Variants in PCDHA11 observed in about 807,000 individuals in gnomAD.
PCDHA11 encodes the protein protocadherin alpha 11.
A neutral mutation model predicts 70.3 loss-of-function variants in PCDHA11; 61 were observed. The observed-to-expected ratio is 0.87, with a 90% confidence interval of 0.71 to 1.07. The LOEUF (loss-of-function observed/expected upper bound fraction) is 1.07. Ranked by LOEUF, PCDHA11 falls within the 50% of genes least tolerant of loss-of-function variation. The probability of loss-of-function intolerance (pLI) is 0.00; values close to 1 mark genes in which losing one functional copy is unlikely to be tolerated. For missense variants in PCDHA11, 1,324 were observed against 1,237.5 expected, an observed-to-expected ratio of 1.07 and a Z score of -1.05; for synonymous variants, 633 against 555.1, an observed-to-expected ratio of 1.14 and a Z score of -1.97.
At chr5:140,964,866 C>A (rs2095858965) in intron 1 of PCDHA11, among the ~76,000 whole-genome samples, 1 of 152,132 alleles carries the variant, frequency 6.6e-6, no homozygotes, top group Non-Finnish European at 1.5e-5. Flanking sequence ...ACAAAGAGGA[C>A]AAATAAGAAG....
At chr5:140,872,800 C>T (rs2053907687) in intron 1 of PCDHA11, among the ~76,000 whole-genome samples, 2 of 152,078 alleles carry the variant, frequency 1.3e-5, no homozygotes, top group African/African-American at 4.8e-5. Context: ...TGGCATTCTT[C>T]CATAAGTTTT....
chr5:140,929,118 A>T, intron 1 of PCDHA11: 2 of 1,614,150 alleles, frequency 1.2e-6, no homozygotes, highest in Non-Finnish European at 1.7e-6. Context: ...CAGCCACCAT[A>T]GATGTCACTA....
chr5:141,004,369 C>T (rs1239142670), intron 3 of PCDHA11, among the ~76,000 whole-genome samples: 1 of 152,324 alleles, frequency 6.6e-6, no homozygotes, highest in South Asian at 2.1e-4. Context: ...ACACCTTGTT[C>T]TGCTCTGCGG....
intron 1 of PCDHA11, among the ~76,000 whole-genome samples, chr5:140,892,933 T>C (rs1323780846): frequency 6.6e-6 from 1 of 152,210 alleles, no homozygotes; most frequent in Non-Finnish European, 1.5e-5. Context: ...CAGCCTCTGA[T>C]AAGCACAATA....
At chr5:140,984,339 A>G (rs956761683) in intron 3 of PCDHA11, among the ~76,000 whole-genome samples, 2 of 152,246 alleles carry the variant, frequency 1.3e-5, no homozygotes, top group Non-Finnish European at 2.9e-5. Context: ...AATAGGAACC[A>G]TGTATTGATA....
intron 1 of PCDHA11, chr5:140,877,657 G>A: frequency 6.2e-7 from 1 of 1,613,570 alleles, no homozygotes; most frequent in Non-Finnish European, 8.5e-7. Flanking sequence ...GCCGCCCACC[G>A]TGAGCCGGTG....
At position 140,983,424 on chromosome 5, in the gene PCDHA11, A is replaced by G. The variant is rs115903969; in HGVS notation, c.2539+861A>G. On this transcript the variant is annotated intron_variant, in intron 3 of 3. Transcript: ENST00000398640. ...GGAAGATTAAGTGTTGGTAGAGACC[A>G]CAAATTGTGTCTACTCTAATCCTCT... Among the ~76,000 whole-genome samples, 1,234 of 152,366 alleles carry G rather than the reference A, an allele frequency of 8.1e-3. 22 individuals are homozygous for G. Among genetic ancestry groups the G allele is most frequent in the African/African-American group, 0.028 (1,160 of 41,578 alleles).
chr5:140,987,790 A>AT (rs1409478213), intron 3 of PCDHA11, among the ~76,000 whole-genome samples: 3 of 152,100 alleles, frequency 2.0e-5, no homozygotes, highest in Admixed American at 6.6e-5. Context: ...TATAGAGAAG[A>AT]TTTTTTTAAA....
chr5:140,872,999 T>C (rs534267052), intron 1 of PCDHA11, among the ~76,000 whole-genome samples: 3 of 152,296 alleles, frequency 2.0e-5, no homozygotes, highest in African/African-American at 7.2e-5. Context: ...TACTTCTGAG[T>C]CATTCTTCAT....
chr5:140,886,972 A>G (rs2061245917), intron 1 of PCDHA11, among the ~76,000 whole-genome samples: 1 of 152,122 alleles, frequency 6.6e-6, no homozygotes, highest in South Asian at 2.1e-4. Context: ...GAAATTTATT[A>G]TTTTGTAAAT....
At chr5:140,903,487 A>G (rs2070330722) in intron 1 of PCDHA11, among the ~76,000 whole-genome samples, 1 of 152,242 alleles carries the variant, frequency 6.6e-6, no homozygotes, top group South Asian at 2.1e-4. Context: ...TATAGTTCTG[A>G]GCAGGTACCA....
chr5:140,999,040 G>A (rs1450256691), intron 3 of PCDHA11, among the ~76,000 whole-genome samples: 2 of 152,218 alleles, frequency 1.3e-5, no homozygotes, highest in African/African-American at 2.4e-5. Context: ...TTCGTCCAGT[G>A]TGCTTTCCAC....
intron 1 of PCDHA11, chr5:140,969,304 C>A (rs782271875): frequency 9.3e-6 from 15 of 1,614,042 alleles, no homozygotes; most frequent in African/African-American, 1.3e-5. Flanking sequence ...TGATTATTCT[C>A]AAAAATGAGG....
chr5:140,870,660 G>A lies in PCDHA11; in HGVS notation c.1557G>A (p.Leu519=), dbSNP rs782219391. The A allele has an allele frequency of 1.9e-6, 3 of 1,612,516 alleles. No homozygotes were observed. The highest frequency in any genetic ancestry group is 2.5e-6 in the Non-Finnish European group (3 of 1,179,756). The change falls in exon 1 of 4, where the codon CTG becomes CTA. Residue 519 remains leucine, a synonymous_variant. Transcript: ENST00000398640. ...VHAESGKVYA[L]QPLDHEELEL... ...CGGAGAGCGGCAAGGTGTACGCGCT[G>A]CAGCCGTTGGACCACGAGGAGCTGG...
chr5:140,895,442 C>T (rs2065008027), intron 1 of PCDHA11, among the ~76,000 whole-genome samples: 1 of 152,148 alleles, frequency 6.6e-6, no homozygotes. Context: ...AGACTCTTTT[C>T]ATGTGCTTAT....
chr5:141,001,286 A>G (rs1375093882), intron 3 of PCDHA11, among the ~76,000 whole-genome samples: 1 of 152,160 alleles, frequency 6.6e-6, no homozygotes, highest in Non-Finnish European at 1.5e-5. Context: ...TACGGATGAA[A>G]ACTGAGGCCC....
intron 1 of PCDHA11, chr5:140,884,501 G>A: frequency 1.9e-6 from 3 of 1,614,146 alleles, no homozygotes; most frequent in Middle Eastern, 1.6e-4. Context: ...CTCCAGCGCG[G>A]CAGGGAGTTG....
Position 140,869,712 on chromosome 5 carries a change from G to A in PCDHA11, c.609G>A (p.Glu203=). The stretch of plus-strand genomic sequence containing the variant: ...TTTTAAAGAAGTCTCTGGATAGAGA[G>A]AAAACTCCGGAACTTAATTTGCTGC... ...SLILKKSLDR[E]KTPELNLLLT... Residue 203 remains glutamate (E), a synonymous_variant, in exon 1 of 4, where the codon GAG becomes GAA. Transcript: ENST00000398640. 2.5e-6 allele frequency: 4 copies of A among 1,613,408 alleles called. No homozygotes were observed. The highest frequency in any genetic ancestry group is 1.1e-5 in the South Asian group (1 of 91,082).
chr5:140,969,307 A>C (rs2096316993), intron 1 of PCDHA11: 1 of 1,614,192 alleles, frequency 6.2e-7, no homozygotes, highest in Non-Finnish European at 8.5e-7. Flanking sequence ...TTATTCTCAA[A>C]AATGAGGCTG....
Sources: gnomAD v4.1 joint callset for allele counts (sites outside exome capture counted in the v4.1 genomes callset) on GRCh38, gnomAD v4.1.1 for gene constraint, MANE v1.5 for transcripts, NCBI Gene and HGNC (gene_info 2026-07-23, HGNC 2026-07-21) for gene names.